GALNT13: variants seen among roughly 807,000 people sequenced by gnomAD.
GALNT13 encodes the protein polypeptide N-acetylgalactosaminyltransferase 13.
Under a neutral mutation model 64.2 loss-of-function variants are expected in GALNT13, and 28 were observed. The observed-to-expected ratio is 0.44, with a 90% CI of 0.32 to 0.60. The LOEUF is 0.60. GALNT13 is among the 20% of genes least tolerant of loss of function. The pLI, the probability that GALNT13 is intolerant of heterozygous loss-of-function variation, is 0.05. For missense variants in GALNT13, 577 were observed against 669.8 expected (o/e 0.86, Z 1.53); for synonymous variants, 214 against 224.6 (o/e 0.95, Z 0.42).
the GALNT13 span, among the ~76,000 whole-genome samples, chr2:153,804,465 C>A: frequency 6.6e-6 from 1 of 152,276 alleles, no homozygotes; most frequent in East Asian, 1.9e-4. Flanking sequence ...GCATGAGCCA[C>A]AGCACCTGGC....
chr2:153,681,674 T>G, the GALNT13 span, among the ~76,000 whole-genome samples: 1 of 151,782 alleles, frequency 6.6e-6, no homozygotes, highest in African/African-American at 2.4e-5. Flanking sequence ...ACTCATTATC[T>G]GACACTTTGC....
chr2:153,393,816 T>G, the GALNT13 span, among the ~76,000 whole-genome samples: 21 of 152,028 alleles, frequency 1.4e-4, no homozygotes, highest in Non-Finnish European at 1.9e-4. Context: ...GCTCTTGTAC[T>G]CAAGATGCGA....
At chr2:153,525,076 AC>A in the GALNT13 span, among the ~76,000 whole-genome samples, 2 of 152,186 alleles carry the variant, frequency 1.3e-5, no homozygotes, top group Non-Finnish European at 2.9e-5. Context: ...AAGATAGGGC[AC>A]CAGTAAGAGC....
chr2:153,753,653 C>T, the GALNT13 span, among the ~76,000 whole-genome samples: 3 of 152,116 alleles, frequency 2.0e-5, no homozygotes, highest in Non-Finnish European at 4.4e-5. Context: ...ACACGAGCAC[C>T]CCTGTGGCCA....
the GALNT13 span, among the ~76,000 whole-genome samples, chr2:153,624,792 CTTTTTTTTT>C: frequency 8.2e-6 from 1 of 121,230 alleles, no homozygotes; most frequent in Non-Finnish European, 1.8e-5. Flanking sequence ...GGAAGAGAGA[CTTTTTTTTT>C]TTTTTTTTTT....
the GALNT13 span, among the ~76,000 whole-genome samples, chr2:153,754,170 C>T: frequency 6.6e-6 from 1 of 152,132 alleles, no homozygotes; most frequent in South Asian, 2.1e-4. Flanking sequence ...TCAGAGACCC[C>T]AAGAGCCCAC....
the GALNT13 span, among the ~76,000 whole-genome samples, chr2:153,669,025 C>T: frequency 1.3e-5 from 2 of 152,286 alleles, no homozygotes; most frequent in East Asian, 3.9e-4. Flanking sequence ...GCTGGTCTTT[C>T]CCAAGGACCC....
the GALNT13 span, among the ~76,000 whole-genome samples, chr2:153,476,519 G>C: frequency 6.6e-6 from 1 of 152,132 alleles, no homozygotes; most frequent in African/African-American, 2.4e-5. Context: ...TCACAGGCAC[G>C]GTTTTTAGGC....
chr2:153,291,632 TCACC>T, the GALNT13 span, among the ~76,000 whole-genome samples: 1 of 151,246 alleles, frequency 6.6e-6, no homozygotes, highest in African/African-American at 2.4e-5. Flanking sequence ...ACACAAAGCA[TCACC>T]CCTCCTCCTG....
the GALNT13 span, among the ~76,000 whole-genome samples, chr2:153,849,452 A>C: frequency 6.6e-6 from 1 of 152,236 alleles, no homozygotes; most frequent in Non-Finnish European, 1.5e-5. Flanking sequence ...AAACAGAATA[A>C]AAAGAATTAA....
At chr2:154,433,157 T>C (rs969371765) in intron 11 of GALNT13, among the ~76,000 whole-genome samples, 5 of 152,220 alleles carry the variant, frequency 3.3e-5, no homozygotes, top group Admixed American at 3.3e-4. Context: ...GCTTGGTATA[T>C]GCTTCTGGTA....
chr2:153,427,137 C>T, the GALNT13 span, among the ~76,000 whole-genome samples: 1 of 151,896 alleles, frequency 6.6e-6, no homozygotes, highest in Non-Finnish European at 1.5e-5. Context: ...TTTTGAGTAC[C>T]TATTCAAAGA....
intron 8 of GALNT13, among the ~76,000 whole-genome samples, chr2:154,298,650 GTATATACAATT>G (rs1693171253): frequency 1.4e-5 from 1 of 69,602 alleles, no homozygotes; most frequent in South Asian, 4.1e-4. Context: ...TATATACATT[GTATATACAATT>G]TATATATACA....
the GALNT13 span, among the ~76,000 whole-genome samples, chr2:153,129,281 T>C: frequency 6.6e-6 from 1 of 152,174 alleles, no homozygotes; most frequent in African/African-American, 2.4e-5. Context: ...TCAAAGTCCT[T>C]CTACTCAAAA....
intron 4 of GALNT13, among the ~76,000 whole-genome samples, chr2:154,211,696 C>A (rs1004637927): frequency 3.5e-5 from 5 of 141,646 alleles, no homozygotes; most frequent in African/African-American, 1.1e-4. Flanking sequence ...AGTAAAAATG[C>A]AGCATTAAAA....
chr2:154,236,525 C>T (rs944039188), intron 4 of GALNT13, among the ~76,000 whole-genome samples: 4 of 152,156 alleles, frequency 2.6e-5, no homozygotes, highest in Admixed American at 6.6e-5. Context: ...AATAAACTTT[C>T]ACTTCCTTGC....
chr2:154,278,271 A>G (rs1265697607), intron 8 of GALNT13, among the ~76,000 whole-genome samples: 1 of 152,196 alleles, frequency 6.6e-6, no homozygotes, highest in Admixed American at 6.6e-5. Context: ...GTAATGGTCT[A>G]TTTGGATAGT....
At chr2:153,672,185 C>G in the GALNT13 span, among the ~76,000 whole-genome samples, 1 of 152,124 alleles carries the variant, frequency 6.6e-6, no homozygotes, top group African/African-American at 2.4e-5. Context: ...TTGAACTCAG[C>G]TCTGGACCAA....
chr2:153,901,727 C>G (rs1688248095), intron 2 of GALNT13, among the ~76,000 whole-genome samples: 1 of 152,016 alleles, frequency 6.6e-6, no homozygotes, highest in Non-Finnish European at 1.5e-5. Context: ...TAAGAATTGC[C>G]TTATATTCAG....
Sources: allele counts gnomAD v4.1 joint callset (sites outside exome capture counted in the v4.1 genomes callset), GRCh38; gene constraint gnomAD v4.1.1; transcripts MANE v1.5; gene names NCBI Gene and HGNC (gene_info 2026-07-23, HGNC 2026-07-21).